Variants in CPEB3 observed in about 807,000 individuals in gnomAD.
The protein encoded by CPEB3 is cytoplasmic polyadenylation element-binding protein 3.
Under a neutral mutation model 67.2 loss-of-function variants are expected in CPEB3, and 20 were observed. That is an observed-to-expected ratio of 0.30 (90% confidence interval 0.21 to 0.43). The LOEUF (loss-of-function observed/expected upper bound fraction) is 0.43. CPEB3 is among the 20% of genes least tolerant of loss of function. The probability of loss-of-function intolerance (pLI) is 1.00; values close to 1 mark genes in which losing one functional copy is unlikely to be tolerated. For missense variants in CPEB3, 746 were observed against 968.6 expected (o/e 0.77, Z 3.05); for synonymous variants, 376 against 393.1 (o/e 0.96, Z 0.51).
intron 2 of CPEB3, among the ~76,000 whole-genome samples, chr10:92,199,081 T>G (rs887420671): frequency 4.6e-5 from 7 of 152,216 alleles, no homozygotes; most frequent in Admixed American, 2.0e-4. Flanking sequence ...CGAAGTTAAA[T>G]GCATCTAACA....
rs1219426310 is a variant in CPEB3, at chr10:92,136,162, A to AT, written c.1453+6866dup. ...GTACCCTAGAACTTAAAGTATAATA[A>AT]TAAAAAAAAAACTTCAAATTAAGAC... On this transcript the variant is annotated intron_variant, in intron 6 of 9. Coordinates refer to ENST00000265997, the MANE Select transcript of CPEB3 (RefSeq NM_014912.5). 8.8e-5 allele frequency among the ~76,000 whole-genome samples: 12 copies of AT among 135,932 alleles called. No individual in the cohort carries two copies. In the Admixed American group the frequency reaches 9.5e-4, roughly 11 times the overall value. The allele number at this position is 135,932 out of a possible 152,430, so 89.2% of individuals were successfully genotyped here. A position where few individuals can be genotyped will look rare whatever the true frequency, so the allele number is the denominator to read the frequency against.
intron 9 of CPEB3, among the ~76,000 whole-genome samples, chr10:92,056,215 A>C (rs936764256): frequency 6.6e-6 from 1 of 152,134 alleles, no homozygotes; most frequent in Non-Finnish European, 1.5e-5. Flanking sequence ...AAAACAAGAC[A>C]CACACCACGA....
intron 2 of CPEB3, among the ~76,000 whole-genome samples, chr10:92,227,677 G>GC (rs1428818530): frequency 6.9e-6 from 1 of 143,964 alleles, no homozygotes; most frequent in Non-Finnish European, 1.5e-5. Context: ...TGCAGGCTCC[G>GC]CCCCCCGGGG....
chr10:92,198,565 A>G (rs1441228905), intron 2 of CPEB3, among the ~76,000 whole-genome samples: 1 of 152,240 alleles, frequency 6.6e-6, no homozygotes, highest in Non-Finnish European at 1.5e-5. Context: ...TTCCTCTGCT[A>G]GACATACAAA....
chr10:92,240,841 C>CCCA (rs1851815186), intron 1 of CPEB3, among the ~76,000 whole-genome samples: 1 of 150,058 alleles, frequency 6.7e-6, no homozygotes, highest in African/African-American at 2.5e-5. Flanking sequence ...TTCTCCCTTC[C>CCCA]CCAGCTCGAA....
At chr10:92,153,831 T>C (rs1847078272) in intron 4 of CPEB3, among the ~76,000 whole-genome samples, 1 of 152,166 alleles carries the variant, frequency 6.6e-6, no homozygotes, top group Non-Finnish European at 1.5e-5. Flanking sequence ...CATGTCTACT[T>C]ATGGACAAGA....
chr10:92,289,130 C>T (rs913241316), intron 1 of CPEB3, among the ~76,000 whole-genome samples: 25 of 152,080 alleles, frequency 1.6e-4, no homozygotes, highest in Admixed American at 6.6e-5. Context: ...GTAATCCCAG[C>T]TACTCCGGAG....
chr10:92,226,345 A>G (rs920258025), intron 2 of CPEB3, among the ~76,000 whole-genome samples: 1 of 152,192 alleles, frequency 6.6e-6, no homozygotes, highest in African/African-American at 2.4e-5. Context: ...ATCATTCTAT[A>G]TTTTAATACA....
At chr10:92,120,161 A>G (rs1845285662) in intron 6 of CPEB3, among the ~76,000 whole-genome samples, 1 of 148,554 alleles carries the variant, frequency 6.7e-6, no homozygotes, top group Admixed American at 6.9e-5. Flanking sequence ...CTGTAACCCT[A>G]GCACTTTGGT....
chr10:92,147,843 C>T (rs1385046055), intron 4 of CPEB3, among the ~76,000 whole-genome samples: 2 of 152,084 alleles, frequency 1.3e-5, no homozygotes, highest in Admixed American at 6.5e-5. Flanking sequence ...AGCTCTTGAT[C>T]TTTCCCTCCA....
chr10:92,280,343 CAAAAAAAAAAAA>C (rs60338900), intron 1 of CPEB3, among the ~76,000 whole-genome samples: 10 of 37,810 alleles, frequency 2.6e-4, no homozygotes, highest in East Asian at 2.2e-3. Flanking sequence ...AACTCCATCT[CAAAAAAAAAAAA>C]AAAAAAAAAA....
chr10:92,196,604 T>C (rs1275573878), intron 2 of CPEB3, among the ~76,000 whole-genome samples: 1 of 151,752 alleles, frequency 6.6e-6, no homozygotes, highest in African/African-American at 2.4e-5. Context: ...CCGTCTCTAC[T>C]AAAAATACAA....
intron 7 of CPEB3, among the ~76,000 whole-genome samples, chr10:92,108,412 C>T (rs1283312003): frequency 7.6e-6 from 1 of 130,970 alleles, no homozygotes; most frequent in Non-Finnish European, 1.6e-5. Context: ...TGTACCAGAA[C>T]CTAGGTAGGG....
intron 1 of CPEB3, among the ~76,000 whole-genome samples, chr10:92,273,216 C>A (rs1268726975): frequency 1.3e-5 from 2 of 152,152 alleles, no homozygotes; most frequent in South Asian, 4.2e-4. Flanking sequence ...CCCATCTATG[C>A]CCTTTGTCTA....
At chr10:92,213,149 T>C (rs1673048952) in intron 2 of CPEB3, among the ~76,000 whole-genome samples, 1 of 152,148 alleles carries the variant, frequency 6.6e-6, no homozygotes, top group South Asian at 2.1e-4. Context: ...AACCACATTA[T>C]GAGTAACCCC....
chr10:92,227,195 AG>A (rs971443477), intron 2 of CPEB3, among the ~76,000 whole-genome samples: 1 of 152,210 alleles, frequency 6.6e-6, no homozygotes, highest in Non-Finnish European at 1.5e-5. Context: ...GGGAGAGCGG[AG>A]GAGAGTTCTT....
intron 2 of CPEB3, among the ~76,000 whole-genome samples, chr10:92,199,599 G>A (rs184680796): frequency 8.0e-4 from 115 of 144,422 alleles, no homozygotes; most frequent in African/African-American, 2.5e-3. Context: ...CAGGAGAATC[G>A]CTTGAACCTG....
intron 6 of CPEB3, among the ~76,000 whole-genome samples, chr10:92,139,237 A>ATT (rs1846266750): frequency 6.6e-6 from 1 of 150,540 alleles, no homozygotes; most frequent in Admixed American, 6.7e-5. Flanking sequence ...AGATTGTGCC[A>ATT]TTGCACTCCA....
chr10:92,253,366 A>T, intron 1 of CPEB3, among the ~76,000 whole-genome samples: 1 of 148,008 alleles, frequency 6.8e-6, no homozygotes. Context: ...AGGCTGAGGC[A>T]GGAGAATCAC....
Sources: allele counts gnomAD v4.1 joint callset (sites outside exome capture counted in the v4.1 genomes callset), GRCh38; gene constraint gnomAD v4.1.1; transcripts MANE v1.5; gene names NCBI Gene and HGNC (gene_info 2026-07-23, HGNC 2026-07-21).